Variants in SREK1IP1 observed in about 807,000 individuals in gnomAD.
SREK1IP1 encodes the protein protein SREK1IP1.
In SREK1IP1, 12 loss-of-function variants were observed where a neutral mutation model predicts 22.8. The observed-to-expected ratio is 0.53, with a 90% CI of 0.34 to 0.85. The LOEUF is 0.85. SREK1IP1 is among the 40% of genes least tolerant of loss of function. The probability of loss-of-function intolerance (pLI) is 0.02; values close to 1 mark genes in which losing one functional copy is unlikely to be tolerated. For missense variants in SREK1IP1, 147 were observed against 171.8 expected, an observed-to-expected ratio of 0.86 and a Z score of 0.81; for synonymous variants, 53 against 52.7, an observed-to-expected ratio of 1.01 and a Z score of -0.02.
At chr5:64,747,311 C>T (rs1742654737) in intron 2 of SREK1IP1, among the ~76,000 whole-genome samples, 1 of 152,144 alleles carries the variant, frequency 6.6e-6, no homozygotes, top group African/African-American at 2.4e-5. Context: ...TGGATTGTTC[C>T]TCTGGCAAAT....
At position 64,724,418 on chromosome 5, in the gene SREK1IP1, G is replaced by A. The variant is rs566373258; in HGVS notation, c.434C>T (p.Ser145Phe). 3.1e-5 allele frequency: 49 copies of A among 1,582,090 alleles called. No individual in the cohort carries two copies. The South Asian group carries it at 5.3e-4, about 17-fold the overall frequency. The change falls in exon 5 of 5, where the codon TCT becomes TTT. Residue 145 changes from serine (S) to phenylalanine (F), a missense_variant. By Grantham distance (155) the Ser-to-Phe change is radical. Coordinates refer to ENST00000513458, the MANE Select transcript of SREK1IP1 (RefSeq NM_173829.4). ...KKKRKKEKHS[S>F]TPNSSEFSRK ...GGAGAATTCAGAACTATTAGGTGTA[G>A]AAGAATGCTTTTCCTTTTTTCTCTT...
At chr5:64,743,964 C>G (rs987874192) in intron 2 of SREK1IP1, among the ~76,000 whole-genome samples, 3 of 152,136 alleles carry the variant, frequency 2.0e-5, no homozygotes, top group African/African-American at 7.2e-5. Context: ...TAATTGGTCA[C>G]AGCCAGTGCC....
rs1742129208 is a variant in SREK1IP1 at position 64,719,983 on chromosome 5, G to A, written c.*4401C>T. On this transcript the variant is annotated 3_prime_UTR_variant, in exon 5 of 5. Transcript: ENST00000513458. ...CCCTGCTGAGCTAGCTTATCACTAGGTTACCTGAGGTAGAACCACAGGGCT... is the reference window on the plus strand; with the variant it reads ...CCCTGCTGAGCTAGCTTATCACTAGATTACCTGAGGTAGAACCACAGGGCT... 6.6e-6 allele frequency: 1 copy of A among 152,190 alleles called. No homozygotes were observed. Among genetic ancestry groups the A allele is most frequent in the African/African-American group, 2.4e-5 (1 of 41,434 alleles). 9.4% of individuals were successfully genotyped at this position (152,190 alleles called of 1,614,324 possible). A position where few individuals can be genotyped will look rare whatever the true frequency, so the allele number is the denominator to read the frequency against.
intron 1 of SREK1IP1, among the ~76,000 whole-genome samples, chr5:64,757,606 A>G (rs1487838769): frequency 6.6e-6 from 1 of 152,146 alleles, no homozygotes; most frequent in Non-Finnish European, 1.5e-5. Flanking sequence ...ACATCTCAAA[A>G]CATTTCTAGT....
chr5:64,724,447 T>C lies in SREK1IP1; in HGVS notation c.405A>G (p.Lys135=). The change falls in exon 5 of 5, where the codon AAA becomes AAG. Residue 135 remains lysine (K), a synonymous_variant. Coordinates refer to ENST00000513458, the MANE Select transcript of SREK1IP1 (RefSeq NM_173829.4). ...SKKGKHHKKE[K]KKRKKEKHSS... ...AATGCTTTTCCTTTTTTCTCTTCTT[T>C]TTTTCCTTTTTGTGATGTTTCCCTT... 1 of 1,588,776 alleles carries C rather than the reference T, an allele frequency of 6.3e-7. No homozygotes were observed. The highest frequency in any genetic ancestry group is 8.5e-7 in the Non-Finnish European group (1 of 1,173,446).
rs571408176 is a variant in SREK1IP1, at chr5:64,721,561, C to T, written c.*2823G>A. 34 of 149,346 alleles carry T rather than the reference C, an allele frequency of 2.3e-4. No homozygotes were observed. Among genetic ancestry groups the T allele is most frequent in the African/African-American group, 8.4e-4 (34 of 40,268 alleles). 9.3% of individuals were successfully genotyped at this position (149,346 alleles called of 1,614,324 possible). On this transcript the variant is annotated 3_prime_UTR_variant, in exon 5 of 5. Coordinates refer to ENST00000513458, the MANE Select transcript of SREK1IP1 (RefSeq NM_173829.4). ...AGGGATACCTCTGAGAAATATCAAC[C>T]AACATATGATATGCAAAAAAAAAAA...
chr5:64,761,866 G>C (rs750380983), intron 1 of SREK1IP1, among the ~76,000 whole-genome samples: 7 of 142,256 alleles, frequency 4.9e-5, no homozygotes, highest in South Asian at 2.4e-4. Flanking sequence ...TGTCTTAGCA[G>C]TTAGCACAAA....
intron 4 of SREK1IP1, chr5:64,727,663 G>T: frequency 6.6e-6 from 1 of 150,832 alleles, no homozygotes; most frequent in Non-Finnish European, 1.5e-5. Context: ...TCTCACCTCA[G>T]CCTTCCACAT....
chr5:64,736,010 G>C (rs1742455875), intron 3 of SREK1IP1, among the ~76,000 whole-genome samples: 1 of 151,972 alleles, frequency 6.6e-6, no homozygotes, highest in Admixed American at 6.6e-5. Flanking sequence ...CTATAAGTTT[G>C]TCTCTAAGTA....
chr5:64,731,022 T>C (rs1214636253), intron 3 of SREK1IP1, among the ~76,000 whole-genome samples: 3 of 152,184 alleles, frequency 2.0e-5, no homozygotes, highest in African/African-American at 7.2e-5. Context: ...TGAGGGTCTT[T>C]ACATTAAATA....
At chr5:64,761,261 T>C (rs1742948562) in intron 1 of SREK1IP1, among the ~76,000 whole-genome samples, 1 of 152,202 alleles carries the variant, frequency 6.6e-6, no homozygotes, top group Non-Finnish European at 1.5e-5. Context: ...CCATATAATT[T>C]TGAATCCAAC....
intron 2 of SREK1IP1, among the ~76,000 whole-genome samples, chr5:64,743,667 G>A (rs1742585876): frequency 6.6e-6 from 1 of 151,510 alleles, no homozygotes; most frequent in South Asian, 2.1e-4. Context: ...TTTTCTCTAG[G>A]GTAGATTTGT....
intron 1 of SREK1IP1, among the ~76,000 whole-genome samples, chr5:64,763,627 T>G (rs1742989384): frequency 6.6e-6 from 1 of 152,220 alleles, no homozygotes; most frequent in African/African-American, 2.4e-5. Context: ...TGAAACAGAA[T>G]GAAGACTGTA....
At chr5:64,747,764 T>A (rs1414899120) in intron 2 of SREK1IP1, among the ~76,000 whole-genome samples, 1 of 151,882 alleles carries the variant, frequency 6.6e-6, no homozygotes, top group Non-Finnish European at 1.5e-5. Flanking sequence ...TCGTCTATAC[T>A]AAAAATATAA....
At chr5:64,758,047 T>C (rs1442385151) in intron 1 of SREK1IP1, among the ~76,000 whole-genome samples, 1 of 151,402 alleles carries the variant, frequency 6.6e-6, no homozygotes, top group Non-Finnish European at 1.5e-5. Context: ...TAATTTTTTG[T>C]ATTTTTTTTT....
At position 64,719,898 on chromosome 5, in the gene SREK1IP1, A is replaced by G. The variant is rs1466927119; in HGVS notation, c.*4486T>C. 6.6e-6 allele frequency: 1 copy of G among 152,208 alleles called. No individual in the cohort carries two copies. The highest frequency in any genetic ancestry group is 2.4e-5 in the African/African-American group (1 of 41,452). The allele number at this position is 152,208 out of a possible 1,614,324, so 9.4% of individuals were successfully genotyped here. A position where few individuals can be genotyped will look rare whatever the true frequency, so the allele number is the denominator to read the frequency against. On this transcript the variant is annotated 3_prime_UTR_variant, in exon 5 of 5. Transcript: ENST00000513458. ...TATAAGAAACCTACTGTTCTTGGGCACCCAATGTCCAGGAAGTTTTGGTCT... is the reference window on the plus strand; with the variant it reads ...TATAAGAAACCTACTGTTCTTGGGCGCCCAATGTCCAGGAAGTTTTGGTCT...
intron 2 of SREK1IP1, among the ~76,000 whole-genome samples, chr5:64,746,822 A>G (rs990806672): frequency 2.6e-5 from 4 of 152,188 alleles, no homozygotes; most frequent in African/African-American, 9.7e-5. Context: ...TCAGACCCAC[A>G]AGACTATTCC....
intron 2 of SREK1IP1, among the ~76,000 whole-genome samples, chr5:64,752,367 G>A (rs779048012): frequency 1.3e-5 from 2 of 151,588 alleles, no homozygotes; most frequent in African/African-American, 2.4e-5. Flanking sequence ...TACCTAGGAT[G>A]GTCTCGATCT....
At chr5:64,758,213 A>G (rs1742882796) in intron 1 of SREK1IP1, among the ~76,000 whole-genome samples, 2 of 147,546 alleles carry the variant, frequency 1.4e-5, no homozygotes, top group East Asian at 2.0e-4. Context: ...CTATCACCCA[A>G]GCTGGAGTGC....
Sources: gnomAD v4.1 joint callset for allele counts (sites outside exome capture counted in the v4.1 genomes callset) on GRCh38, gnomAD v4.1.1 for gene constraint, MANE v1.5 for transcripts, NCBI Gene and HGNC (gene_info 2026-07-23, HGNC 2026-07-21) for gene names.